The following ST8SIA1 variants were observed in gnomAD, a reference collection of about 807,000 sequenced individuals.
The protein encoded by ST8SIA1 is alpha-N-acetylneuraminide alpha-2,8-sialyltransferase.
Under a neutral mutation model 35.9 loss-of-function variants are expected in ST8SIA1, and 16 were observed. The observed-to-expected ratio is 0.45, with a 90% CI of 0.30 to 0.68. The LOEUF (loss-of-function observed/expected upper bound fraction) is 0.68. ST8SIA1 is among the 30% of genes least tolerant of loss of function. ST8SIA1 has a pLI of 0.09. For missense variants in ST8SIA1, 383 were observed against 453.6 expected, an observed-to-expected ratio of 0.84 and a Z score of 1.41; for synonymous variants, 170 against 169.6, an observed-to-expected ratio of 1.00 and a Z score of -0.02.
intron 1 of ST8SIA1, among the ~76,000 whole-genome samples, chr12:22,311,930 T>G (rs1866453787): frequency 6.6e-6 from 1 of 152,170 alleles, no homozygotes; most frequent in African/African-American, 2.4e-5. Context: ...AGGATGAAGG[T>G]GACTGTCAAA....
At chr12:22,262,538 G>A (rs1208887302) in intron 2 of ST8SIA1, among the ~76,000 whole-genome samples, 2 of 152,184 alleles carry the variant, frequency 1.3e-5, no homozygotes, top group Non-Finnish European at 2.9e-5. Context: ...TAGATGTCTT[G>A]AATGATAATT....
At chr12:22,260,874 GTT>G (rs757887864) in intron 2 of ST8SIA1, among the ~76,000 whole-genome samples, 7,323 of 114,212 alleles carry the variant, frequency 0.064, 242 homozygotes, top group South Asian at 0.18. Flanking sequence ...TATAGTTGTT[GTT>G]TTTTTTTTTT....
intron 3 of ST8SIA1, among the ~76,000 whole-genome samples, chr12:22,253,034 T>TTAAAA (rs1221056299): frequency 6.6e-6 from 1 of 152,126 alleles, no homozygotes; most frequent in African/African-American, 2.4e-5. Context: ...ATTTGAAAAT[T>TTAAAA]TAAACTAAAC....
At chr12:22,231,199 T>G (rs1865416115) in intron 4 of ST8SIA1, among the ~76,000 whole-genome samples, 1 of 150,190 alleles carries the variant, frequency 6.7e-6, no homozygotes, top group African/African-American at 2.4e-5. Context: ...TTTGGAAAAT[T>G]TAATGAATTT....
intron 3 of ST8SIA1, among the ~76,000 whole-genome samples, chr12:22,252,579 G>T (rs1865684600): frequency 6.6e-6 from 1 of 152,118 alleles, no homozygotes; most frequent in Non-Finnish European, 1.5e-5. Context: ...TAGTTATGGT[G>T]CTACCTTCTT....
chr12:22,200,666 G>A lies in ST8SIA1; in HGVS notation c.*886C>T, dbSNP rs936891600. 11 of 152,176 alleles carry A rather than the reference G, an allele frequency of 7.2e-5. No individual in the cohort carries two copies. The South Asian group carries it at 2.3e-3, about 32-fold the overall frequency. 9.4% of individuals were successfully genotyped at this position (152,176 alleles called of 1,614,324 possible). On this transcript the variant is annotated 3_prime_UTR_variant, in exon 5 of 5. Coordinates refer to ENST00000396037, the MANE Select transcript of ST8SIA1 (RefSeq NM_003034.4). ...CAGAGACTAAGCTTTTCATCAACGT[G>A]CTTTACTGCATTTCTGAACATTAAA...
Position 22,201,957 on chromosome 12 carries a change from G to C in ST8SIA1, c.666C>G (p.Ala222=). 3.1e-6 allele frequency: 5 copies of C among 1,614,010 alleles called. No homozygotes were observed. Among genetic ancestry groups the C allele is most frequent in the Non-Finnish European group, 4.2e-6 (5 of 1,179,944 alleles). The part of the protein sequence containing the change: ...IYNHSYIYMP[A]FSMKTGTEPS... ...GCTCTGTTCCTGTCTTCATAGAAAAGGCAGGCATGTAGATGTAACTGTGGT... is the reference window on the plus strand; with the variant it reads ...GCTCTGTTCCTGTCTTCATAGAAAACGCAGGCATGTAGATGTAACTGTGGT... Residue 222 remains alanine, a synonymous_variant, in exon 5 of 5, where the codon GCC becomes GCG. Coordinates refer to ENST00000396037, the MANE Select transcript of ST8SIA1 (RefSeq NM_003034.4).
chr12:22,320,259 T>A (rs1459623604), intron 1 of ST8SIA1, among the ~76,000 whole-genome samples: 1 of 152,206 alleles, frequency 6.6e-6, no homozygotes, highest in African/African-American at 2.4e-5. Context: ...GGAATAAGTA[T>A]AACAAAGTGT....
Position 22,224,317 on chromosome 12 carries a change from T to TA in ST8SIA1, c.585-22280_585-22279insT, listed in dbSNP as rs1865331884. 1.1e-4 allele frequency among the ~76,000 whole-genome samples: 6 copies of TA among 55,564 alleles called. No homozygotes were observed. The East Asian group carries it at 3.2e-3, about 29-fold the overall frequency. 36.5% of individuals were successfully genotyped at this position (55,564 alleles called of 152,430 possible). A position where few individuals can be genotyped will look rare whatever the true frequency, so the allele number is the denominator to read the frequency against. ...TAAATATATAAAAATATATTTATACTTTTTTTTTTTTTACATGGAGTCTTA... is the reference window on the plus strand; with the variant it reads ...TAAATATATAAAAATATATTTATACTATTTTTTTTTTTTACATGGAGTCTTA... On this transcript the variant is annotated intron_variant, in intron 4 of 4. Transcript: ENST00000396037.
At chr12:22,285,598 G>A (rs192369754) in intron 2 of ST8SIA1, among the ~76,000 whole-genome samples, 228 of 152,148 alleles carry the variant, frequency 1.5e-3, no homozygotes, top group African/African-American at 5.0e-3. Context: ...ACAGTCGGGC[G>A]CGGTGGCTCA....
At chr12:22,301,440 A>G (rs891123806) in intron 1 of ST8SIA1, among the ~76,000 whole-genome samples, 15 of 151,312 alleles carry the variant, frequency 9.9e-5, no homozygotes, top group Admixed American at 2.6e-4. Flanking sequence ...TTTTTTTTTG[A>G]GCTATTGACA....
At chr12:22,275,326 G>A (rs368982385) in intron 2 of ST8SIA1, among the ~76,000 whole-genome samples, 9 of 152,328 alleles carry the variant, frequency 5.9e-5, no homozygotes, top group African/African-American at 1.4e-4. Flanking sequence ...GGCCAAGGGC[G>A]GGTGTATCAC....
At chr12:22,302,355 G>C (rs1208695177) in intron 1 of ST8SIA1, among the ~76,000 whole-genome samples, 1 of 152,060 alleles carries the variant, frequency 6.6e-6, no homozygotes, top group African/African-American at 2.4e-5. Context: ...GAAAATAACA[G>C]CAACCTATTT....
intron 1 of ST8SIA1, among the ~76,000 whole-genome samples, chr12:22,305,379 CTTTTTT>C (rs71053397): frequency 7.5e-6 from 1 of 132,990 alleles, no homozygotes; most frequent in Non-Finnish European, 1.6e-5. Flanking sequence ...TTCCAGCATA[CTTTTTT>C]TTTTTTTTTT....
chr12:22,222,932 T>C (rs1865316164), intron 4 of ST8SIA1, among the ~76,000 whole-genome samples: 1 of 152,156 alleles, frequency 6.6e-6, no homozygotes, highest in African/African-American at 2.4e-5. Flanking sequence ...TCATGCCTGA[T>C]GTGAAAGAGC....
At chr12:22,319,042 T>C (rs1213230013) in intron 1 of ST8SIA1, among the ~76,000 whole-genome samples, 1 of 152,238 alleles carries the variant, frequency 6.6e-6, no homozygotes, top group Admixed American at 6.5e-5. Context: ...ATTCATTAAA[T>C]GCTAGCTCTG....
intron 2 of ST8SIA1, among the ~76,000 whole-genome samples, chr12:22,277,728 C>T (rs944439596): frequency 6.6e-6 from 1 of 152,044 alleles, no homozygotes; most frequent in South Asian, 2.1e-4. Flanking sequence ...CTTGACTTAA[C>T]CCAGTGGCAG....
Position 22,331,997 on chromosome 12 carries a change from G to C in ST8SIA1, c.236+2000C>G, listed in dbSNP as rs534330737. Among the ~76,000 whole-genome samples the C allele has an allele frequency of 2.0e-5, 3 of 152,260 alleles. No individual in the cohort carries two copies. In the South Asian group the frequency reaches 6.2e-4, roughly 32 times the overall value. The stretch of plus-strand genomic sequence containing the variant: ...AACCTTCTAACAACTCTGCAATGTA[G>C]ATAAACAAGAAAGCCAGGACTCAAA... On this transcript the variant is annotated intron_variant, in intron 1 of 4. Coordinates refer to ENST00000396037, the MANE Select transcript of ST8SIA1 (RefSeq NM_003034.4).
chr12:22,225,230 T>C (rs959782921), intron 4 of ST8SIA1, among the ~76,000 whole-genome samples: 1 of 152,176 alleles, frequency 6.6e-6, no homozygotes, highest in Admixed American at 6.5e-5. Flanking sequence ...TGGTAATTTG[T>C]GGTAGCAGCC....
Sources: allele counts gnomAD v4.1 joint callset (sites outside exome capture counted in the v4.1 genomes callset), GRCh38; gene constraint gnomAD v4.1.1; transcripts MANE v1.5; gene names NCBI Gene and HGNC (gene_info 2026-07-23, HGNC 2026-07-21).